Variants in NEK11 observed in about 807,000 individuals in gnomAD.
NEK11 encodes serine/threonine-protein kinase Nek11.
In NEK11, 72 loss-of-function variants were observed where a neutral mutation model predicts 80.7. That is an observed-to-expected ratio of 0.89 (90% CI 0.74 to 1.08). NEK11 has a LOEUF of 1.08. NEK11 is among the 50% of genes least tolerant of loss of function. NEK11 has a pLI of 0.00. For synonymous variants in NEK11, 251 were observed against 260.7 expected (o/e 0.96, Z 0.36); for missense variants, 764 against 763.6 (o/e 1.00, Z -0.01).
At chr3:131,081,822 G>A (rs1200823360) in intron 4 of NEK11, among the ~76,000 whole-genome samples, 1 of 152,148 alleles carries the variant, frequency 6.6e-6, no homozygotes, top group African/African-American at 2.4e-5. Flanking sequence ...GGTGCCATTT[G>A]TTTGAGAGAG....
chr3:131,166,223 T>C (rs984430191), intron 12 of NEK11, among the ~76,000 whole-genome samples: 1 of 152,258 alleles, frequency 6.6e-6, no homozygotes, highest in Admixed American at 6.5e-5. Context: ...GCCATTTTTA[T>C]AGAGAACTTC....
chr3:131,090,683 C>T (rs1256328422), intron 4 of NEK11, among the ~76,000 whole-genome samples: 3 of 152,146 alleles, frequency 2.0e-5, no homozygotes, highest in Non-Finnish European at 2.9e-5. Context: ...TTTGTTGTGT[C>T]AAATCATAAT....
intron 17 of NEK11, 47 bp downstream of exon 17, chr3:131,273,621 A>G: frequency 7.2e-7 from 1 of 1,394,744 alleles, no homozygotes; most frequent in South Asian, 1.2e-5. Flanking sequence ...GTGTTAAAGC[A>G]TATTGACCAA....
At chr3:131,146,483 T>C (rs1283198836) in intron 7 of NEK11, among the ~76,000 whole-genome samples, 1 of 152,140 alleles carries the variant, frequency 6.6e-6, no homozygotes, top group Non-Finnish European at 1.5e-5. Flanking sequence ...CTTTATAGTC[T>C]CTTGTAACTC....
At chr3:131,117,382 T>A (rs1257303368) in intron 5 of NEK11, among the ~76,000 whole-genome samples, 1 of 152,246 alleles carries the variant, frequency 6.6e-6, no homozygotes, top group Non-Finnish European at 1.5e-5. Flanking sequence ...ACTGTAGCCT[T>A]GTAGTATAGT....
intron 4 of NEK11, among the ~76,000 whole-genome samples, chr3:131,103,841 G>T (rs2078763366): frequency 1.3e-5 from 2 of 152,168 alleles, no homozygotes; most frequent in Non-Finnish European, 2.9e-5. Flanking sequence ...AAGTGCCTTA[G>T]TACTCCTAGG....
At chr3:131,126,763 C>CAA (rs1167696504) in intron 5 of NEK11, among the ~76,000 whole-genome samples, 1 of 151,952 alleles carries the variant, frequency 6.6e-6, no homozygotes, top group Non-Finnish European at 1.5e-5. Context: ...AATACCTCGT[C>CAA]ATTCTCTCTT....
intron 17 of NEK11, among the ~76,000 whole-genome samples, chr3:131,307,022 C>T (rs72991592): frequency 0.12 from 17,969 of 152,068 alleles, 1,499 homozygotes; most frequent in East Asian, 0.3. Flanking sequence ...TGTGTCCTCA[C>T]CTCTCTAATG....
chr3:131,180,901 C>A (rs2093309032), intron 14 of NEK11, among the ~76,000 whole-genome samples: 1 of 152,120 alleles, frequency 6.6e-6, no homozygotes, highest in Admixed American at 6.5e-5. Context: ...CATATGAAGC[C>A]TTGCTAAAAC....
At chr3:131,054,043 A>G (rs1019430436) in intron 3 of NEK11, among the ~76,000 whole-genome samples, 1 of 152,224 alleles carries the variant, frequency 6.6e-6, no homozygotes, top group Non-Finnish European at 1.5e-5. Context: ...AACCCGGTTT[A>G]GAGCTCTTAT....
intron 16 of NEK11, among the ~76,000 whole-genome samples, chr3:131,244,317 T>C (rs2095564670): frequency 6.6e-6 from 1 of 152,088 alleles, no homozygotes; most frequent in Admixed American, 6.6e-5. Flanking sequence ...ATAACATAAG[T>C]CTTTGATTTT....
chr3:131,203,767 GTATATATATATA>G (rs150951735), intron 14 of NEK11, among the ~76,000 whole-genome samples: 586 of 53,578 alleles, frequency 0.011, 5 homozygotes, highest in East Asian at 0.061. Flanking sequence ...GTGTGTGTGT[GTATATATATATA>G]TATATATATA....
intron 4 of NEK11, among the ~76,000 whole-genome samples, chr3:131,100,027 A>C (rs1390360797): frequency 6.6e-6 from 1 of 152,134 alleles, no homozygotes; most frequent in Non-Finnish European, 1.5e-5. Flanking sequence ...GGGCACCCTC[A>C]TCTTGTTCCA....
chr3:131,273,411 C>T (rs2096235853), intron 16 of NEK11, 67 bp from the exon 17 acceptor site: 1 of 1,261,010 alleles, frequency 7.9e-7, no homozygotes, highest in East Asian at 2.3e-5. Flanking sequence ...TCTGATTGCC[C>T]TTGAACATCG....
intron 3 of NEK11, among the ~76,000 whole-genome samples, chr3:131,036,738 A>G (rs951327236): frequency 2.6e-5 from 4 of 152,142 alleles, no homozygotes; most frequent in Non-Finnish European, 2.9e-5. Context: ...CCCCTACCCC[A>G]GAGGTTTCTG....
At chr3:131,265,960 G>C (rs954974883) in intron 16 of NEK11, among the ~76,000 whole-genome samples, 7 of 152,120 alleles carry the variant, frequency 4.6e-5, no homozygotes, top group Non-Finnish European at 8.8e-5. Context: ...TATGTGTCCA[G>C]GAATTTATCC....
chr3:131,170,890 A>G lies in NEK11; in HGVS notation c.1399+3A>G. ...CACATCTGACCTTGGATACCATGGT[A>G]TGTGTTTGCATTGATTTTCAGAAGG... On this transcript the variant is annotated splice_donor_region_variant and intron_variant, in intron 14 of 17. Transcript: ENST00000383366. 2.5e-6 allele frequency: 4 copies of G among 1,588,226 alleles called. 1 individual carries two copies. The highest frequency in any genetic ancestry group is 3.3e-4 in the Middle Eastern group (2 of 6,006).
chr3:131,290,292 A>T (rs1166296966), intron 17 of NEK11, among the ~76,000 whole-genome samples: 1 of 152,154 alleles, frequency 6.6e-6, no homozygotes, highest in Non-Finnish European at 1.5e-5. Context: ...GTGCACCTTC[A>T]CCAGTGTCAG....
chr3:131,139,554 C>A (rs887101722), intron 7 of NEK11, among the ~76,000 whole-genome samples: 3 of 151,916 alleles, frequency 2.0e-5, no homozygotes, highest in Admixed American at 1.3e-4. Context: ...TATAGAAGAC[C>A]AAACAGATTT....
Sources: allele counts gnomAD v4.1 joint callset (sites outside exome capture counted in the v4.1 genomes callset), GRCh38; gene constraint gnomAD v4.1.1; transcripts MANE v1.5; gene names NCBI Gene and HGNC (gene_info 2026-07-23, HGNC 2026-07-21).